The following CACNA2D1 variants were observed in gnomAD, a reference collection of about 807,000 sequenced individuals.
The protein encoded by CACNA2D1 is calcium voltage-gated channel auxiliary subunit alpha2delta 1.
In CACNA2D1, 53 loss-of-function variants were observed where a neutral mutation model predicts 171.5. The observed-to-expected ratio is 0.31, with a 90% confidence interval of 0.25 to 0.39. The LOEUF is 0.39. Among genes scored for constraint, CACNA2D1 ranks in the 10% least tolerant of loss-of-function variants. The probability of loss-of-function intolerance (pLI) is 1.00; values close to 1 mark genes in which losing one functional copy is unlikely to be tolerated. For missense variants in CACNA2D1, 903 were observed against 1,299.8 expected, an observed-to-expected ratio of 0.69 and a Z score of 4.69; for synonymous variants, 442 against 443.1, an observed-to-expected ratio of 1.00 and a Z score of 0.03.
At chr7:82,142,937 T>A (rs1014265962) in intron 4 of CACNA2D1, among the ~76,000 whole-genome samples, 3 of 152,170 alleles carry the variant, frequency 2.0e-5, no homozygotes, top group Non-Finnish European at 4.4e-5. Flanking sequence ...CCACTGCTAT[T>A]TTGTCCATTA....
intron 8 of CACNA2D1, 92 bp from the exon 9 acceptor site, chr7:82,064,446 T>A (rs1584607032): frequency 1.1e-6 from 1 of 937,504 alleles, no homozygotes; most frequent in South Asian, 1.4e-5. Context: ...TGAGACAAGG[T>A]TTTTTTCCCC....
rs547693522 is a variant in CACNA2D1 at position 82,004,520 on chromosome 7, G to T, written c.1590+903C>A. Among the ~76,000 whole-genome samples, 153 of 151,638 alleles carry T rather than the reference G, an allele frequency of 1.0e-3. 2 individuals are homozygous for T. The South Asian group carries it at 0.031, about 31-fold the overall frequency. ...ATTCAATATCAATAGTTCTCTTATG[G>T]ATTTGAACCATATTTAAATAACACA... On this transcript the variant is annotated intron_variant, in intron 18 of 38. Coordinates refer to ENST00000356860, the MANE Select transcript of CACNA2D1 (RefSeq NM_000722.4).
At chr7:82,003,899 C>T (rs931737876) in intron 18 of CACNA2D1, among the ~76,000 whole-genome samples, 2 of 152,032 alleles carry the variant, frequency 1.3e-5, no homozygotes, top group Non-Finnish European at 2.9e-5. Flanking sequence ...GCATGTGCCA[C>T]CACACCCGGC....
At chr7:82,103,519 C>T (rs1812943582) in intron 6 of CACNA2D1, among the ~76,000 whole-genome samples, 1 of 151,978 alleles carries the variant, frequency 6.6e-6, no homozygotes, top group South Asian at 2.1e-4. Context: ...TTCTTAATGT[C>T]GAGTTTTACC....
chr7:82,023,069 T>C (rs1010121598), intron 12 of CACNA2D1, among the ~76,000 whole-genome samples: 9 of 151,926 alleles, frequency 5.9e-5, no homozygotes, highest in African/African-American at 1.7e-4. Flanking sequence ...AATAAAATAA[T>C]TTTGCTAGCC....
chr7:82,238,450 C>A (rs748425937), intron 3 of CACNA2D1, among the ~76,000 whole-genome samples: 14 of 151,910 alleles, frequency 9.2e-5, no homozygotes, highest in Non-Finnish European at 1.9e-4. Flanking sequence ...CAAAAGAAGA[C>A]ATATATACGG....
intron 6 of CACNA2D1, among the ~76,000 whole-genome samples, chr7:82,086,571 T>C (rs1367754976): frequency 6.6e-6 from 1 of 152,152 alleles, no homozygotes; most frequent in Non-Finnish European, 1.5e-5. Context: ...TACCCACTAT[T>C]CATGAATATT....
intron 3 of CACNA2D1, among the ~76,000 whole-genome samples, chr7:82,252,706 A>G (rs1484336648): frequency 6.6e-6 from 1 of 152,144 alleles, no homozygotes; most frequent in African/African-American, 2.4e-5. Context: ...CTGGGCCAAC[A>G]TGGTGAAACC....
At chr7:82,417,856 A>G (rs1671663154) in intron 1 of CACNA2D1, among the ~76,000 whole-genome samples, 1 of 152,222 alleles carries the variant, frequency 6.6e-6, no homozygotes, top group South Asian at 2.1e-4. Context: ...GATTTTGCAT[A>G]TAGTGAGAAT....
At chr7:82,320,180 T>G (rs1815640191) in intron 3 of CACNA2D1, among the ~76,000 whole-genome samples, 1 of 152,144 alleles carries the variant, frequency 6.6e-6, no homozygotes, top group Non-Finnish European at 1.5e-5. Context: ...GAGAAAAGTA[T>G]GAGTTTTTGA....
intron 3 of CACNA2D1, among the ~76,000 whole-genome samples, chr7:82,292,957 A>G (rs1811835375): frequency 6.6e-6 from 1 of 152,066 alleles, no homozygotes; most frequent in Non-Finnish European, 1.5e-5. Flanking sequence ...CATACACATT[A>G]AAAAATAATT....
intron 19 of CACNA2D1, 112 bp downstream of exon 19, chr7:81,997,067 C>G: frequency 1.3e-6 from 1 of 762,456 alleles, no homozygotes; most frequent in Non-Finnish European, 2.4e-6. Context: ...TTTGTGTATA[C>G]AGTATCAAAC....
chr7:82,316,785 A>G (rs559200017), intron 3 of CACNA2D1, among the ~76,000 whole-genome samples: 44 of 152,176 alleles, frequency 2.9e-4, no homozygotes, highest in Non-Finnish European at 5.0e-4. Context: ...ACATGGTGGC[A>G]GGCAAGAGAG....
In CACNA2D1 at chr7:81,971,893, C is replaced by T. The variant is rs182565768; in HGVS notation, c.2054-29G>A. 420 of 1,289,836 alleles carry T rather than the reference C, an allele frequency of 3.3e-4. 1 individual carries two copies. The highest frequency in any genetic ancestry group is 4.9e-4 in the Admixed American group (29 of 59,210). The allele number at this position is 1,289,836 out of a possible 1,614,324, so 79.9% of individuals were successfully genotyped here. On this transcript the variant is annotated intron_variant, in intron 25 of 38. Coordinates refer to ENST00000356860, the MANE Select transcript of CACNA2D1 (RefSeq NM_000722.4). ...ACACAGAAAAAGATCATCAGTTACA[C>T]TCACATTTCTAAAATTATGATCATA... is the stretch of plus-strand genomic sequence containing the variant.
intron 12 of CACNA2D1, among the ~76,000 whole-genome samples, chr7:82,017,081 T>G (rs1307988666): frequency 6.6e-6 from 1 of 152,168 alleles, no homozygotes. Context: ...TTATTTTATC[T>G]TGGTTTTACG....
chr7:82,154,488 A>C (rs984196819), intron 4 of CACNA2D1, among the ~76,000 whole-genome samples: 2 of 152,058 alleles, frequency 1.3e-5, no homozygotes, highest in Non-Finnish European at 2.9e-5. Flanking sequence ...GTGGGGGACA[A>C]GGGGAGGGAA....
intron 3 of CACNA2D1, among the ~76,000 whole-genome samples, chr7:82,197,420 C>T (rs1019666694): frequency 2.0e-5 from 3 of 151,990 alleles, no homozygotes; most frequent in Admixed American, 6.6e-5. Flanking sequence ...CATGTATGTG[C>T]TACAACTTTG....
At chr7:82,320,929 T>TTATATAAAGCCATTTATA (rs1554510274) in intron 3 of CACNA2D1, among the ~76,000 whole-genome samples, 4 of 148,620 alleles carry the variant, frequency 2.7e-5, no homozygotes, top group African/African-American at 7.5e-5. Context: ...AGTTAATGGC[T>TTATATAAAGCCATTTATA]TATATAAAGC....
chr7:82,184,169 C>CTTTTTTTTTTTT (rs72155870), intron 3 of CACNA2D1, among the ~76,000 whole-genome samples: 1 of 127,420 alleles, frequency 7.8e-6, no homozygotes, highest in Non-Finnish European at 1.6e-5. Context: ...TCGGTTTCCT[C>CTTTTTTTTTTTT]TTTTTTTTTT....
Sources: allele counts gnomAD v4.1 joint callset (sites outside exome capture counted in the v4.1 genomes callset), GRCh38; gene constraint gnomAD v4.1.1; transcripts MANE v1.5; gene names NCBI Gene and HGNC (gene_info 2026-07-23, HGNC 2026-07-21).